Variants in SLC26A5 observed in about 807,000 individuals in gnomAD.
The protein encoded by SLC26A5 is solute carrier family 26 member 5.
In SLC26A5, 51 loss-of-function variants were observed where a neutral mutation model predicts 81.0. That is an observed-to-expected ratio of 0.63 (90% CI 0.50 to 0.80). The LOEUF is 0.80. Among genes scored for constraint, SLC26A5 ranks in the 30% least tolerant of loss-of-function variants. SLC26A5 has a pLI of 0.00. For missense variants in SLC26A5, 771 were observed against 905.8 expected, an observed-to-expected ratio of 0.85 and a Z score of 1.91; for synonymous variants, 325 against 332.8, an observed-to-expected ratio of 0.98 and a Z score of 0.25.
chr7:103,396,278 A>AG, intron 9 of SLC26A5, among the ~76,000 whole-genome samples: 1 of 152,328 alleles, frequency 6.6e-6, no homozygotes, highest in Non-Finnish European at 1.5e-5. Context: ...ACAGTATGAA[A>AG]GGCTCTCAAA....
chr7:103,390,570 T>C lies in SLC26A5; in HGVS notation c.1234-64A>G, dbSNP rs1047338191. ...ACTTGAATAAGAGGCAGGGCATAAG[T>C]TGGTTTTATTCTTTTGATAATTACT... On this transcript the variant is annotated intron_variant, in intron 11 of 19. Transcript: ENST00000306312. 1.3e-5 allele frequency: 18 copies of C among 1,371,184 alleles called. No individual in the cohort carries two copies. In the East Asian group the frequency reaches 3.4e-4, roughly 26 times the overall value. 84.9% of individuals were successfully genotyped at this position (1,371,184 alleles called of 1,614,324 possible).
chr7:103,380,605 C>A, intron 14 of SLC26A5, 56 bp from the exon 15 acceptor site: 1 of 1,496,668 alleles, frequency 6.7e-7, no homozygotes, highest in East Asian at 2.3e-5. Flanking sequence ...GTGATTTCAA[C>A]AGGAGGTTGT....
chr7:103,439,137 A>G (rs2116857256), intron 2 of SLC26A5, among the ~76,000 whole-genome samples: 1 of 152,260 alleles, frequency 6.6e-6, no homozygotes, highest in Non-Finnish European at 1.5e-5. Flanking sequence ...CTAGCAGCAC[A>G]TTTCTTAGAA....
intron 10 of SLC26A5, 56 bp downstream of exon 10, chr7:103,392,863 C>G: frequency 3.7e-6 from 6 of 1,607,416 alleles, no homozygotes; most frequent in Non-Finnish European, 4.3e-6. Flanking sequence ...AGGCGTGAGC[C>G]AGACATTGGT....
At chr7:103,443,705 A>C in intron 1 of SLC26A5, among the ~76,000 whole-genome samples, 1 of 152,218 alleles carries the variant, frequency 6.6e-6, no homozygotes, top group East Asian at 1.9e-4. Flanking sequence ...CCATTCACAG[A>C]ATACTTACTC....
rs773424722 is a variant in SLC26A5 at position 103,377,671 on chromosome 7, G to T, written c.1914C>A (p.Asn638Lys). The T allele has an allele frequency of 6.2e-7, 1 of 1,614,070 alleles. No individual in the cohort carries two copies. Among genetic ancestry groups the T allele is most frequent in the South Asian group, 1.1e-5 (1 of 91,076 alleles). The change falls in exon 18 of 20, where the codon AAC (asparagine) becomes AAA (lysine). Residue 638 changes from asparagine (N) to lysine (K), a missense_variant. Asn to Lys is a moderately conservative substitution (Grantham distance 94). Transcript: ENST00000306312. ...EMQRFMPPGD[N>K]VHTVILDFTQ... Reference sequence around the variant, plus strand: ...TGAAATCCAAAATGACAGTGTGGACGTTATCCCCTGGGGGCATAAATCTTT... The same window carrying T: ...TGAAATCCAAAATGACAGTGTGGACTTTATCCCCTGGGGGCATAAATCTTT...
intron 2 of SLC26A5, among the ~76,000 whole-genome samples, chr7:103,440,275 G>C (rs1178330583): frequency 6.6e-6 from 1 of 152,158 alleles, no homozygotes; most frequent in East Asian, 1.9e-4. Context: ...GTTGTTAAAA[G>C]TGTTCAATAA....
chr7:103,420,880 G>T lies in SLC26A5; in HGVS notation c.153-3C>A. The T allele has an allele frequency of 6.2e-7, 1 of 1,606,168 alleles. No individual in the cohort carries two copies. Among genetic ancestry groups the T allele is most frequent in the Non-Finnish European group, 8.5e-7 (1 of 1,173,164 alleles). On this transcript the variant is annotated splice_polypyrimidine_tract_variant and splice_region_variant and intron_variant, in intron 3 of 19. Coordinates refer to ENST00000306312, the MANE Select transcript of SLC26A5 (RefSeq NM_198999.3). ...TTCTTATTTTTTTAGGAGTACATCT[G>T]AAAGGACAAAGACAGACAGAGATAA...
At chr7:103,366,678 T>G (rs1303195653) in intron 19 of SLC26A5, among the ~76,000 whole-genome samples, 1 of 152,230 alleles carries the variant, frequency 6.6e-6, no homozygotes, top group Non-Finnish European at 1.5e-5. Flanking sequence ...TTGAGAAGTA[T>G]CATCTAATGT....
At chr7:103,399,885 G>A (rs1047283920) in intron 8 of SLC26A5, among the ~76,000 whole-genome samples, 1 of 152,108 alleles carries the variant, frequency 6.6e-6, no homozygotes, top group Non-Finnish European at 1.5e-5. Context: ...CCATGTCCCT[G>A]CAAAGGACAT....
At chr7:103,423,345 A>T (rs967103415) in intron 2 of SLC26A5, among the ~76,000 whole-genome samples, 1 of 152,174 alleles carries the variant, frequency 6.6e-6, no homozygotes, top group African/African-American at 2.4e-5. Context: ...ATAAATACCT[A>T]TGTCCAAAGA....
Position 103,380,514 on chromosome 7 carries a change from G to A in SLC26A5, c.1550C>T (p.Thr517Ile). The A allele has an allele frequency of 6.2e-7, 1 of 1,613,772 alleles. No individual in the cohort carries two copies. Among genetic ancestry groups the A allele is most frequent in the Non-Finnish European group, 8.5e-7 (1 of 1,179,792 alleles). The stretch of plus-strand genomic sequence containing the variant: ...TGCGTCTATATCAATATACACATCA[G>A]TTTCAGGAAGCTTTCCAAGGACTTT... ...SYKVLGKLPETDVYIDIDAYE... is the reference protein window; with the variant it reads ...SYKVLGKLPEIDVYIDIDAYE... The change falls in exon 15 of 20, where the codon ACT becomes ATT. Residue 517 changes from threonine (T) to isoleucine (I), a missense_variant. By Grantham distance (89) the Thr-to-Ile change is moderately conservative (BLOSUM62 -1). Coordinates refer to ENST00000306312, the MANE Select transcript of SLC26A5 (RefSeq NM_198999.3).
chr7:103,372,215 T>C (rs957146004), downstream of SLC26A5, among the ~76,000 whole-genome samples: 1 of 152,158 alleles, frequency 6.6e-6, no homozygotes, highest in Non-Finnish European at 1.5e-5. Context: ...AGTTAAAGTT[T>C]TGATTAAAAG....
At position 103,417,454 on chromosome 7, in the gene SLC26A5, T is replaced by C. The variant is rs112738330; in HGVS notation, c.292+3284A>G. Among the ~76,000 whole-genome samples the C allele has an allele frequency of 1.2e-3, 175 of 152,172 alleles. 3 individuals are homozygous for C. The highest frequency in any genetic ancestry group is 4.2e-3 in the African/African-American group (173 of 41,524). ...ACTCCTAGTTTTCCTTTCCAGATAC[T>C]TTTCTATCTCTTCTGCTGGTTCCTC... On this transcript the variant is annotated intron_variant, in intron 4 of 19. Coordinates refer to ENST00000306312, the MANE Select transcript of SLC26A5 (RefSeq NM_198999.3).
At chr7:103,369,883 G>GT (rs750914371), downstream of SLC26A5, among the ~76,000 whole-genome samples, 50 of 152,180 alleles carry the variant, frequency 3.3e-4, no homozygotes, top group Non-Finnish European at 6.3e-4. Context: ...TGCTTCTGAG[G>GT]TTTATCTGTT....
At chr7:103,442,970 G>C (rs866377233) in intron 2 of SLC26A5, 113 bp downstream of exon 2, 2 of 152,234 alleles carry the variant, frequency 1.3e-5, no homozygotes, top group East Asian at 1.9e-4. Context: ...TCCAAATAGT[G>C]GTGTGTGATT....
chr7:103,373,100 C>T (rs562200867), downstream of SLC26A5, among the ~76,000 whole-genome samples: 1 of 152,232 alleles, frequency 6.6e-6, no homozygotes, highest in South Asian at 2.1e-4. Flanking sequence ...AACCAACTCA[C>T]AAACTTTAAC....
chr7:103,382,720 A>G (rs1277492577), intron 14 of SLC26A5, among the ~76,000 whole-genome samples: 1 of 152,124 alleles, frequency 6.6e-6, no homozygotes, highest in African/African-American at 2.4e-5. Flanking sequence ...GACAGATACT[A>G]CTTCTTGAAC....
chr7:103,360,074 G>A (rs1238682717), intron 19 of SLC26A5, among the ~76,000 whole-genome samples: 2 of 147,286 alleles, frequency 1.4e-5, no homozygotes, highest in Non-Finnish European at 3.0e-5. Flanking sequence ...GTGAGATTCC[G>A]TCTCAAAAAA....
Sources: allele counts gnomAD v4.1 joint callset (sites outside exome capture counted in the v4.1 genomes callset), GRCh38; gene constraint gnomAD v4.1.1; transcripts MANE v1.5; gene names NCBI Gene and HGNC (gene_info 2026-07-23, HGNC 2026-07-21).